Variants in CABP7 observed in about 807,000 individuals in gnomAD.
The protein encoded by CABP7 is calcium-binding protein 7.
CABP7 carries 13 observed loss-of-function variants against 23.1 expected under a neutral mutation model. The observed-to-expected ratio is 0.56, with a 90% CI of 0.37 to 0.90. The LOEUF (loss-of-function observed/expected upper bound fraction) is 0.90, where lower values mean the gene tolerates loss of function less well. Among genes scored for constraint, CABP7 ranks in the 40% least tolerant of loss-of-function variants. The pLI, the probability that CABP7 is intolerant of heterozygous loss-of-function variation, is 0.01. For synonymous variants in CABP7, 123 were observed against 115.3 expected, an observed-to-expected ratio of 1.07 and a Z score of -0.43; for missense variants, 248 against 295.6, an observed-to-expected ratio of 0.84 and a Z score of 1.18.
rs752368695 is a variant in CABP7 at position 29,727,741 on chromosome 22, C to T, written c.189C>T (p.Arg63=). Residue 63 remains arginine, a synonymous_variant, in exon 2 of 5, where the codon CGC becomes CGT. Coordinates refer to ENST00000216144, the MANE Select transcript of CABP7 (RefSeq NM_182527.3). The surrounding 1 kb of genome is among the most constrained non-coding windows in gnomAD (Gnocchi z 4.2). ...AGCAGGAGCTGGGCACAGCCATGCGCTCACTGGGTTACATGCCCAACGAGG... is the reference window on the plus strand; with the variant it reads ...AGCAGGAGCTGGGCACAGCCATGCGTTCACTGGGTTACATGCCCAACGAGG... ...ISKQELGTAM[R]SLGYMPNEVE... 2.0e-5 allele frequency: 32 copies of T among 1,613,500 alleles called. No individual in the cohort carries two copies. In the East Asian group the frequency reaches 7.1e-4, roughly 36 times the overall value.
intron 1 of CABP7, among the ~76,000 whole-genome samples, chr22:29,723,097 G>A (rs918634311): frequency 1.3e-4 from 20 of 152,206 alleles, no homozygotes; most frequent in African/African-American, 4.8e-4. Context: ...CTAGCACAGG[G>A]GGCTCAGGGA....
rs1300935030 is a variant in CABP7, at chr22:29,720,437, C to G, written c.13C>G (p.Pro5Ala). 6.5e-7 allele frequency: 1 copy of G among 1,543,224 alleles called. No homozygotes were observed. Among genetic ancestry groups the G allele is most frequent in the Non-Finnish European group, 8.7e-7 (1 of 1,147,832 alleles). The change falls in exon 1 of 5, where the codon CCG (proline) becomes GCG (alanine). Residue 5 changes from proline to alanine, a missense_variant. Physicochemically the swap from Pro to Ala is conservative, Grantham distance 27. Transcript: ENST00000216144. This position sits in a 1 kb window ranked among gnomAD's most constrained non-coding sequence, Gnocchi z 5.2. ...CGGAGCCTCCAAGATGCCGTTCCAC[C>G]CGGTGACGGCGGCGTTGATGTACCG... MPFHPVTAALMYRGI... is the reference protein window; with the variant it reads MPFHAVTAALMYRGI...
At chr22:29,724,578 C>T (rs541729686) in intron 1 of CABP7, among the ~76,000 whole-genome samples, 202 of 152,334 alleles carry the variant, frequency 1.3e-3, no homozygotes, top group African/African-American at 4.8e-3. Context: ...CTTCAGGCTG[C>T]CTCCCTGGCT....
chr22:29,726,190 T>C (rs962361940), intron 1 of CABP7, among the ~76,000 whole-genome samples: 1 of 152,008 alleles, frequency 6.6e-6, no homozygotes, highest in African/African-American at 2.4e-5. Context: ...AGTCAGAAAG[T>C]CTGGGGGCCC....
chr22:29,721,750 A>G (rs1231643459), intron 1 of CABP7, among the ~76,000 whole-genome samples: 1 of 152,156 alleles, frequency 6.6e-6, no homozygotes, highest in Non-Finnish European at 1.5e-5. Flanking sequence ...TGCCTCGCTC[A>G]CTGCACCATA....
At chr22:29,724,629 G>A (rs1271800473) in intron 1 of CABP7, among the ~76,000 whole-genome samples, 1 of 152,172 alleles carries the variant, frequency 6.6e-6, no homozygotes, top group Non-Finnish European at 1.5e-5. Context: ...GGGCGGGTGG[G>A]AGTCGGCTGG....
rs201748258 is a variant in CABP7, at chr22:29,729,034, C to T, written c.367-21C>T. On this transcript the variant is annotated intron_variant, in intron 3 of 4. Transcript: ENST00000216144. ...GGGGCTGCGGTGGCTCTCAGAGCAC[C>T]GTGTTGTCCCCCTCCGCAAGTGCGA... 1.3e-3 allele frequency: 2,135 copies of T among 1,603,248 alleles called. 17 individuals are homozygous for T. The African/African-American group carries it at 0.024, about 18-fold the overall frequency.
chr22:29,727,627 G>A lies in CABP7; in HGVS notation c.110-35G>A. On this transcript the variant is annotated intron_variant, in intron 1 of 4. Coordinates refer to ENST00000216144, the MANE Select transcript of CABP7 (RefSeq NM_182527.3). The surrounding 1 kb of genome is among the most constrained non-coding windows in gnomAD (Gnocchi z 4.2). ...TGGAAAGGGGGTCTGTTGGGGACCG[G>A]GGTGAAGTCCCAGCCTACTCCATTC... 6.2e-7 allele frequency: 1 copy of A among 1,612,430 alleles called. No homozygotes were observed. Among genetic ancestry groups the A allele is most frequent in the African/African-American group, 1.3e-5 (1 of 75,010 alleles).
intron 3 of CABP7, 148 bp from the exon 4 acceptor site, chr22:29,728,907 G>A (rs13057811): frequency 0.08 from 92,335 of 1,148,222 alleles, 4,191 homozygotes; most frequent in South Asian, 0.13. Context: ...GGGGAGGCCG[G>A]TGTTGGTCAA....
chr22:29,726,085 AG>A (rs2067793683), intron 1 of CABP7, among the ~76,000 whole-genome samples: 1 of 152,156 alleles, frequency 6.6e-6, no homozygotes, highest in Non-Finnish European at 1.5e-5. Context: ...GCCCTGGCAC[AG>A]ACCTCCCCGC....
Position 29,727,604 on chromosome 22 carries a change from G to GA in CABP7, c.110-55dup. ...CAGGGTCGGTGATCCTGGGGGTCTG[G>GA]AAAGGGGGTCTGTTGGGGACCGGGG... On this transcript the variant is annotated intron_variant, in intron 1 of 4. Transcript: ENST00000216144. This position sits in a 1 kb window ranked among gnomAD's most constrained non-coding sequence, Gnocchi z 4.2. The GA allele has an allele frequency of 6.2e-7, 1 of 1,607,300 alleles. No homozygotes were observed. The highest frequency in any genetic ancestry group is 1.1e-5 in the South Asian group (1 of 90,758).
chr22:29,729,639 A>T lies in CABP7; in HGVS notation c.*70A>T. ...CGCCCCACACCACCGCCGCCTGCAGACCTCTCCCTTGGCCGGCTCCCTGGG... is the reference window on the plus strand; with the variant it reads ...CGCCCCACACCACCGCCGCCTGCAGTCCTCTCCCTTGGCCGGCTCCCTGGG... On this transcript the variant is annotated 3_prime_UTR_variant, in exon 5 of 5. Coordinates refer to ENST00000216144, the MANE Select transcript of CABP7 (RefSeq NM_182527.3). 1.3e-6 allele frequency: 2 copies of T among 1,576,648 alleles called. No individual in the cohort carries two copies. The highest frequency in any genetic ancestry group is 1.7e-6 in the Non-Finnish European group (2 of 1,165,750).
chr22:29,731,541 G>A lies in CABP7; in HGVS notation c.*1972G>A, dbSNP rs2147211417. 3.0e-6 allele frequency: 2 copies of A among 661,170 alleles called. No individual in the cohort carries two copies. The highest frequency in any genetic ancestry group is 7.0e-5 in the East Asian group (2 of 28,656). The allele number at this position is 661,170 out of a possible 1,614,324, so 41.0% of individuals were successfully genotyped here. A position where few individuals can be genotyped will look rare whatever the true frequency, so the allele number is the denominator to read the frequency against. On this transcript the variant is annotated 3_prime_UTR_variant, in exon 5 of 5. Transcript: ENST00000216144. ...CAGCGACCTCACCTCTAGGAACTGA[G>A]CCCAAGGAAATAGCGGGGTTGCAGG... is the stretch of plus-strand genomic sequence containing the variant.
chr22:29,721,012 G>T (rs1250848196), intron 1 of CABP7, among the ~76,000 whole-genome samples: 3 of 152,128 alleles, frequency 2.0e-5, no homozygotes, highest in African/African-American at 7.2e-5. Context: ...GGGAGAGGGC[G>T]ACTGCCCTGC....
At chr22:29,729,349 G>T in intron 4 of CABP7, 93 bp from the exon 5 acceptor site, 1 of 1,581,350 alleles carries the variant, frequency 6.3e-7, no homozygotes, top group Non-Finnish European at 8.6e-7. Context: ...CACCCCATGG[G>T]ATGAGCCCAT....
chr22:29,722,413 C>T (rs1250212522), intron 1 of CABP7, among the ~76,000 whole-genome samples: 7 of 152,250 alleles, frequency 4.6e-5, no homozygotes, highest in African/African-American at 2.4e-5. Context: ...TCTCTCCTGT[C>T]CCCTTCTCCT....
chr22:29,729,786 C>T lies in CABP7; in HGVS notation c.*217C>T, dbSNP rs2067825668. The T allele has an allele frequency of 3.3e-6, 2 of 605,628 alleles. No homozygotes were observed. The highest frequency in any genetic ancestry group is 4.0e-5 in the South Asian group (2 of 50,130). The allele number at this position is 605,628 out of a possible 1,614,324, so 37.5% of individuals were successfully genotyped here. A position where few individuals can be genotyped will look rare whatever the true frequency, so the allele number is the denominator to read the frequency against. ...CGGGTGGTGGCTCTGAGGATGGTCCCCAGCCCCACCCTGTCCCCACCCTGG... is the reference window on the plus strand; with the variant it reads ...CGGGTGGTGGCTCTGAGGATGGTCCTCAGCCCCACCCTGTCCCCACCCTGG... On this transcript the variant is annotated 3_prime_UTR_variant, in exon 5 of 5. Coordinates refer to ENST00000216144, the MANE Select transcript of CABP7 (RefSeq NM_182527.3).
At chr22:29,723,356 G>C (rs1482800013) in intron 1 of CABP7, among the ~76,000 whole-genome samples, 1 of 152,150 alleles carries the variant, frequency 6.6e-6, no homozygotes, top group Non-Finnish European at 1.5e-5. Context: ...GCCCTGTGAG[G>C]GACAGGCACG....
chr22:29,729,262 G>A lies in CABP7; in HGVS notation c.520+54G>A, dbSNP rs1033000705. The A allele has an allele frequency of 1.8e-4, 283 of 1,577,640 alleles. No homozygotes were observed. In the Admixed American group the frequency reaches 4.9e-3, roughly 28 times the overall value. On this transcript the variant is annotated intron_variant, in intron 4 of 4. Transcript: ENST00000216144. Reference sequence around the variant, plus strand: ...GTGGGCCCAGTGACTTGGCCAGGGGGACGCACGGGGTGGGGAGAGTCTGCA... The same window carrying A: ...GTGGGCCCAGTGACTTGGCCAGGGGAACGCACGGGGTGGGGAGAGTCTGCA...
Sources: allele counts gnomAD v4.1 joint callset (sites outside exome capture counted in the v4.1 genomes callset), GRCh38; gene constraint gnomAD v4.1.1; non-coding constraint Gnocchi (gnomAD v3.1); transcripts MANE v1.5; gene names NCBI Gene and HGNC (gene_info 2026-07-23, HGNC 2026-07-21).